APLF: variants seen among roughly 807,000 people sequenced by gnomAD.
APLF encodes aprataxin and PNKP like factor.
A neutral mutation model predicts 55.6 loss-of-function variants in APLF; 61 were observed. That is an observed-to-expected ratio of 1.10 (90% CI 0.89 to 1.36). APLF has a LOEUF of 1.36. APLF is among the 40% of genes most tolerant of loss of function. The pLI is 0.00. For synonymous variants in APLF, 207 were observed against 214.8 expected (o/e 0.96, Z 0.32); for missense variants, 611 against 602.5 (o/e 1.01, Z -0.15).
chr2:68,568,873 G>C (rs1411757259), intron 9 of APLF, among the ~76,000 whole-genome samples: 1 of 151,990 alleles, frequency 6.6e-6, no homozygotes, highest in East Asian at 1.9e-4. Flanking sequence ...TAAGTTTAAG[G>C]CTATAGGTTT....
chr2:68,537,943 G>A lies in APLF; in HGVS notation c.876G>A (p.Gln292=). The A allele has an allele frequency of 6.2e-7, 1 of 1,613,784 alleles. No homozygotes were observed. The highest frequency in any genetic ancestry group is 8.5e-7 in the Non-Finnish European group (1 of 1,179,860). Residue 292 remains glutamine, a synonymous_variant, in exon 7 of 10, where the codon CAG becomes CAA. Coordinates refer to ENST00000303795, the MANE Select transcript of APLF (RefSeq NM_173545.3). ...TEMNNIKTNA[Q]RNKLPIEELG... ...TGAATAATATTAAGACTAATGCACA[G>A]AGAAACAAACTTCCAATAGAGGAAC...
chr2:68,577,789 A>T (rs1405633839), intron 9 of APLF, 31 bp from the exon 10 acceptor site: 4 of 1,607,452 alleles, frequency 2.5e-6, no homozygotes, highest in Non-Finnish European at 3.4e-6. Context: ...GTGGTGATTG[A>T]TGTGTTGTGT....
At chr2:68,532,129 G>A (rs541037198) in intron 6 of APLF, among the ~76,000 whole-genome samples, 4 of 152,266 alleles carry the variant, frequency 2.6e-5, no homozygotes, top group African/African-American at 9.6e-5. Context: ...CCCAGTTTGA[G>A]TCTGAACACT....
intron 2 of APLF, among the ~76,000 whole-genome samples, chr2:68,496,737 T>G (rs1004182122): frequency 3.9e-5 from 6 of 152,154 alleles, no homozygotes; most frequent in South Asian, 2.1e-4. Flanking sequence ...GCAGCCAAGC[T>G]CTCTGCTAAG....
In APLF at chr2:68,512,732, G is replaced by A. The variant is rs140468452; in HGVS notation, c.342-348G>A. Among the ~76,000 whole-genome samples, 914 of 151,828 alleles carry A rather than the reference G, an allele frequency of 6.0e-3. 5 individuals are homozygous for A. Among genetic ancestry groups the A allele is most frequent in the Admixed American group, 0.011 (172 of 15,192 alleles). ...TCTAACTAGCTTAGCTGATGCCCTT[G>A]CAGTTTACATTATCTCTCTAGAGGC... On this transcript the variant is annotated intron_variant, in intron 3 of 9. Transcript: ENST00000303795.
intron 8 of APLF, among the ~76,000 whole-genome samples, chr2:68,555,444 G>A (rs371721739): frequency 1.3e-5 from 2 of 152,026 alleles, no homozygotes; most frequent in Admixed American, 1.3e-4. Context: ...AATCTACAAT[G>A]AATTCAAACA....
At chr2:68,561,150 T>C (rs2104052932) in intron 8 of APLF, among the ~76,000 whole-genome samples, 1 of 152,278 alleles carries the variant, frequency 6.6e-6, no homozygotes, top group South Asian at 2.1e-4. Flanking sequence ...AATTGATTTT[T>C]ATGTCTATCT....
chr2:68,551,603 C>CTTTTT (rs70954311), intron 8 of APLF, among the ~76,000 whole-genome samples: 12 of 115,732 alleles, frequency 1.0e-4, no homozygotes, highest in African/African-American at 1.9e-4. Flanking sequence ...TCTTCTTCTT[C>CTTTTT]TTTTTTTTTT....
chr2:68,513,283 G>A, intron 4 of APLF, 56 bp downstream of exon 4: 3 of 1,525,762 alleles, frequency 2.0e-6, no homozygotes, highest in Non-Finnish European at 2.6e-6. Context: ...TATTATGAAG[G>A]CAGAAAAGAC....
At chr2:68,525,780 C>T (rs1446919690) in intron 5 of APLF, among the ~76,000 whole-genome samples, 12 of 117,108 alleles carry the variant, frequency 1.0e-4, no homozygotes, top group Non-Finnish European at 1.6e-4. Flanking sequence ...CACAGAGGCT[C>T]GCTCTGTCAC....
At chr2:68,515,594 A>G in intron 5 of APLF, 1 of 984,978 alleles carries the variant, frequency 1.0e-6, no homozygotes, top group Non-Finnish European at 1.2e-6. Flanking sequence ...GATGTCCCAC[A>G]TAAAATATGA....
At chr2:68,543,122 C>T (rs929058159) in intron 7 of APLF, among the ~76,000 whole-genome samples, 5 of 152,006 alleles carry the variant, frequency 3.3e-5, no homozygotes, top group African/African-American at 9.7e-5. Context: ...ATTAGAATGG[C>T]AGTTACCAGT....
chr2:68,569,367 G>A (rs2104072713), intron 9 of APLF, among the ~76,000 whole-genome samples: 1 of 152,216 alleles, frequency 6.6e-6, no homozygotes, highest in South Asian at 2.1e-4. Flanking sequence ...TAGGATTTCA[G>A]TCACCTTTGT....
At chr2:68,506,347 C>T (rs1191749012) in intron 3 of APLF, among the ~76,000 whole-genome samples, 1 of 150,804 alleles carries the variant, frequency 6.6e-6, no homozygotes, top group Non-Finnish European at 1.5e-5. Context: ...GCCTGATTTC[C>T]AGAGAGGGAG....
rs1676412348 is a variant in APLF at position 68,492,782 on chromosome 2, C to A, written c.168+2521C>A. Among the ~76,000 whole-genome samples, 5 of 152,016 alleles carry A rather than the reference C, an allele frequency of 3.3e-5. No homozygotes were observed. The South Asian group carries it at 1.0e-3, about 32-fold the overall frequency. The stretch of plus-strand genomic sequence containing the variant: ...ATACTAGAAGCTAGAGCAAAAATTC[C>A]TCATGACCACTAGATATAAAACTAA... On this transcript the variant is annotated intron_variant, in intron 2 of 9. Coordinates refer to ENST00000303795, the MANE Select transcript of APLF (RefSeq NM_173545.3).
chr2:68,522,186 G>T (rs893886499), intron 5 of APLF, among the ~76,000 whole-genome samples: 1 of 151,636 alleles, frequency 6.6e-6, no homozygotes, highest in African/African-American at 2.4e-5. Context: ...GTATTTTAAG[G>T]TTGATATTAG....
chr2:68,489,894 A>C (rs1389114861), intron 1 of APLF, among the ~76,000 whole-genome samples: 2 of 152,222 alleles, frequency 1.3e-5, no homozygotes, highest in African/African-American at 4.8e-5. Context: ...TCTTGGTAAG[A>C]ATCCCCAGTA....
chr2:68,493,915 T>C (rs1676452429), intron 2 of APLF, among the ~76,000 whole-genome samples: 1 of 152,004 alleles, frequency 6.6e-6, no homozygotes, highest in South Asian at 2.1e-4. Flanking sequence ...GAGACCATCC[T>C]GGCTAACATG....
At chr2:68,477,628 A>C (rs1675819649) in intron 1 of APLF, among the ~76,000 whole-genome samples, 1 of 152,202 alleles carries the variant, frequency 6.6e-6, no homozygotes, top group African/African-American at 2.4e-5. Flanking sequence ...TGACAGAGTG[A>C]GACCCTGTCT....
Sources: allele counts gnomAD v4.1 joint callset (sites outside exome capture counted in the v4.1 genomes callset), GRCh38; gene constraint gnomAD v4.1.1; transcripts MANE v1.5; gene names NCBI Gene and HGNC (gene_info 2026-07-23, HGNC 2026-07-21).